TEX36: variants seen among roughly 807,000 people sequenced by gnomAD.
TEX36 encodes the protein testis-expressed protein 36.
In TEX36, 12 loss-of-function variants were observed where a neutral mutation model predicts 13.6. That is an observed-to-expected ratio of 0.88 (90% CI 0.56 to 1.43). The LOEUF (loss-of-function observed/expected upper bound fraction) is 1.43, where lower values mean the gene tolerates loss of function less well. Among genes scored for constraint, TEX36 ranks in the 40% most tolerant of loss-of-function variants. The probability of loss-of-function intolerance (pLI) is 0.00; values close to 1 mark genes in which losing one functional copy is unlikely to be tolerated. For missense variants in TEX36, 224 were observed against 228.3 expected (o/e 0.98, Z 0.12); for synonymous variants, 93 against 83.0 (o/e 1.12, Z -0.65).
At chr10:125,600,875 T>A (rs1435613085) in intron 3 of TEX36, among the ~76,000 whole-genome samples, 1 of 152,230 alleles carries the variant, frequency 6.6e-6, no homozygotes, top group Non-Finnish European at 1.5e-5. Flanking sequence ...AGACACTGAA[T>A]ACCGCGGCCC....
intron 3 of TEX36, among the ~76,000 whole-genome samples, chr10:125,591,681 G>C (rs1846022803): frequency 6.6e-6 from 1 of 152,214 alleles, no homozygotes; most frequent in Admixed American, 6.5e-5. Flanking sequence ...CTTAGTCTTA[G>C]CCTTGAAAGT....
At position 125,656,071 on chromosome 10, in the gene TEX36, T is replaced by C. The variant is rs1365550151; in HGVS notation, c.390A>G (p.Val130=). Residue 130 remains valine, a synonymous_variant, in exon 4 of 4, where the codon GTA becomes GTG. Coordinates refer to ENST00000368821, the MANE Select transcript of TEX36 (RefSeq NM_001128202.3). ...DGFSNNQISY[V]YKEAMVVSSF... ...TTGAGACCACCATGGCTTCTTTATA[T>C]ACGTATGATATTTGGTTATTTGAAA... 1 of 1,551,798 alleles carries C rather than the reference T, an allele frequency of 6.4e-7. No individual in the cohort carries two copies. Among genetic ancestry groups the C allele is most frequent in the Non-Finnish European group, 8.7e-7 (1 of 1,147,036 alleles).
intron 3 of TEX36, chr10:125,576,952 A>C: frequency 6.6e-7 from 1 of 1,518,232 alleles, no homozygotes; most frequent in Non-Finnish European, 8.8e-7. Flanking sequence ...CAGAGAGGAA[A>C]GGGGGCCTTA....
chr10:125,666,002 C>T (rs1483340577), intron 1 of TEX36, among the ~76,000 whole-genome samples: 1 of 152,052 alleles, frequency 6.6e-6, no homozygotes, highest in Non-Finnish European at 1.5e-5. Context: ...TAGATCATTG[C>T]TGATATATAT....
At chr10:125,613,406 A>ATC (rs1430726445) in intron 3 of TEX36, among the ~76,000 whole-genome samples, 1 of 144,126 alleles carries the variant, frequency 6.9e-6, no homozygotes, top group Non-Finnish European at 1.5e-5. Context: ...CATTAGGTAT[A>ATC]TCTCCTAATG....
At chr10:125,619,079 G>A (rs1439808213), downstream of TEX36, among the ~76,000 whole-genome samples, 11 of 151,258 alleles carry the variant, frequency 7.3e-5, no homozygotes, top group Admixed American at 2.0e-4. Flanking sequence ...GCAGTGAGCC[G>A]AGATCGCGTC....
At chr10:125,670,685 G>T (rs906565551) in intron 1 of TEX36, among the ~76,000 whole-genome samples, 8 of 152,104 alleles carry the variant, frequency 5.3e-5, no homozygotes, top group East Asian at 3.8e-4. Flanking sequence ...TGTCCTGAAG[G>T]GTATTGCCTA....
intron 3 of TEX36, among the ~76,000 whole-genome samples, chr10:125,643,087 C>T (rs1022572691): frequency 1.3e-5 from 2 of 152,178 alleles, no homozygotes; most frequent in Non-Finnish European, 1.5e-5. Flanking sequence ...TCTGCCAAGG[C>T]TGTCCTCAGC....
chr10:125,599,668 C>T (rs550435448), intron 3 of TEX36, among the ~76,000 whole-genome samples: 1 of 152,270 alleles, frequency 6.6e-6, no homozygotes, highest in Admixed American at 6.5e-5. Context: ...ATTTTCACTG[C>T]CTCAAACAAC....
intron 3 of TEX36, among the ~76,000 whole-genome samples, chr10:125,644,100 A>G (rs1846731557): frequency 6.6e-6 from 1 of 152,230 alleles, no homozygotes; most frequent in Admixed American, 6.5e-5. Context: ...GGCAGAATCA[A>G]ATATTACACC....
intron 3 of TEX36, among the ~76,000 whole-genome samples, chr10:125,603,719 C>T (rs1476394756): frequency 6.6e-6 from 1 of 152,150 alleles, no homozygotes; most frequent in Non-Finnish European, 1.5e-5. Flanking sequence ...GACAACGTAT[C>T]CACAGTTCCC....
chr10:125,642,766 C>T (rs1203243695), intron 3 of TEX36, among the ~76,000 whole-genome samples: 1 of 152,110 alleles, frequency 6.6e-6, no homozygotes, highest in African/African-American at 2.4e-5. Context: ...TTACTAATTC[C>T]CTATTTCAAC....
At chr10:125,633,978 T>C (rs987152297) in intron 3 of TEX36, among the ~76,000 whole-genome samples, 1 of 152,080 alleles carries the variant, frequency 6.6e-6, no homozygotes, top group African/African-American at 2.4e-5. Context: ...GGTTCAAGTC[T>C]ACCCCTCAGC....
intron 3 of TEX36, among the ~76,000 whole-genome samples, chr10:125,599,115 A>G (rs1249110593): frequency 6.6e-6 from 1 of 152,190 alleles, no homozygotes; most frequent in Non-Finnish European, 1.5e-5. Context: ...AAATAATCGG[A>G]AAAAACTTTT....
At chr10:125,640,599 G>A (rs1846676398) in intron 3 of TEX36, among the ~76,000 whole-genome samples, 1 of 152,162 alleles carries the variant, frequency 6.6e-6, no homozygotes, top group South Asian at 2.1e-4. Flanking sequence ...GCAATACACA[G>A]CATTTCACAC....
chr10:125,646,120 G>A (rs1846763684), intron 3 of TEX36, among the ~76,000 whole-genome samples: 1 of 152,204 alleles, frequency 6.6e-6, no homozygotes, highest in African/African-American at 2.4e-5. Flanking sequence ...CTTGAGCTCA[G>A]GAGTTTGAGA....
intron 3 of TEX36, among the ~76,000 whole-genome samples, chr10:125,589,540 G>A (rs1048165589): frequency 2.0e-5 from 3 of 152,128 alleles, no homozygotes; most frequent in Non-Finnish European, 4.4e-5. Flanking sequence ...CCAGTTTACT[G>A]AGATACCATT....
At chr10:125,667,018 C>T (rs1220897002) in intron 1 of TEX36, 14 of 1,459,516 alleles carry the variant, frequency 9.6e-6, no homozygotes, top group Admixed American at 7.7e-5. Context: ...TCTCCTTCTT[C>T]CTGCCCCAGG....
chr10:125,667,307 T>C, intron 1 of TEX36: 1 of 636,132 alleles, frequency 1.6e-6, no homozygotes, highest in Non-Finnish European at 3.0e-6. Context: ...ACTCAGAGCC[T>C]TGTAGACAGC....
Sources: allele counts gnomAD v4.1 joint callset (sites outside exome capture counted in the v4.1 genomes callset), GRCh38; gene constraint gnomAD v4.1.1; transcripts MANE v1.5; gene names NCBI Gene and HGNC (gene_info 2026-07-23, HGNC 2026-07-21).